SBF2: variants seen among roughly 807,000 people sequenced by gnomAD.
SBF2 encodes the protein myotubularin-related protein 13.
SBF2 carries 112 observed loss-of-function variants against 225.2 expected under a neutral mutation model. The observed-to-expected ratio is 0.50, with a 90% CI of 0.43 to 0.58. SBF2 has a LOEUF of 0.58. Among genes scored for constraint, SBF2 ranks in the 20% least tolerant of loss-of-function variants. SBF2 has a pLI of 0.00. For missense variants in SBF2, 1,996 were observed against 2,206.2 expected, an observed-to-expected ratio of 0.90 and a Z score of 1.91; for synonymous variants, 763 against 773.3, an observed-to-expected ratio of 0.99 and a Z score of 0.22.
chr11:10,297,149 G>A (rs1433816032), upstream of SBF2, among the ~76,000 whole-genome samples: 4 of 151,882 alleles, frequency 2.6e-5, no homozygotes, highest in Admixed American at 6.6e-5. Flanking sequence ...CATTCTGTAC[G>A]TTGTCTTTTC....
intron 28 of SBF2, among the ~76,000 whole-genome samples, chr11:9,821,959 G>C (rs1441547940): frequency 6.6e-6 from 1 of 152,118 alleles, no homozygotes; most frequent in Non-Finnish European, 1.5e-5. Flanking sequence ...GATCAGTAAG[G>C]CTCAAAGCAA....
At chr11:10,186,171 T>C (rs1332544137) in intron 2 of SBF2, among the ~76,000 whole-genome samples, 1 of 152,108 alleles carries the variant, frequency 6.6e-6, no homozygotes, top group Non-Finnish European at 1.5e-5. Context: ...AACAGACAAG[T>C]GGGAGAGATA....
At chr11:10,110,756 G>A (rs1952800875) in intron 2 of SBF2, among the ~76,000 whole-genome samples, 1 of 152,070 alleles carries the variant, frequency 6.6e-6, no homozygotes, top group African/African-American at 2.4e-5. Context: ...CTCTACTAGA[G>A]ATCCTTCAAA....
At chr11:10,008,589 A>G (rs1055998378) in intron 6 of SBF2, among the ~76,000 whole-genome samples, 2 of 108,206 alleles carry the variant, frequency 1.8e-5, no homozygotes, top group Non-Finnish European at 4.4e-5. Context: ...ATCTTCCCAA[A>G]TAATTGCATT....
At chr11:10,087,067 G>C (rs950855064) in intron 2 of SBF2, among the ~76,000 whole-genome samples, 1 of 152,160 alleles carries the variant, frequency 6.6e-6, no homozygotes, top group African/African-American at 2.4e-5. Context: ...GTTTTCTCAT[G>C]AGTGAATCTG....
chr11:10,001,910 T>C (rs923021635), intron 7 of SBF2, among the ~76,000 whole-genome samples: 6 of 152,206 alleles, frequency 3.9e-5, no homozygotes, highest in African/African-American at 7.2e-5. Flanking sequence ...TGATTATCAA[T>C]TGATTAAACA....
chr11:9,807,926 C>T (rs535279255), intron 32 of SBF2, 74 bp downstream of exon 32: 91 of 1,319,004 alleles, frequency 6.9e-5, no homozygotes, highest in Middle Eastern at 3.6e-4. Flanking sequence ...GGCACACCAT[C>T]GCAATGCTCC....
intron 23 of SBF2, among the ~76,000 whole-genome samples, chr11:9,846,079 T>C (rs1856525449): frequency 6.6e-6 from 1 of 152,206 alleles, no homozygotes; most frequent in African/African-American, 2.4e-5. Context: ...TAAGGTCTCT[T>C]CCTACCCAGA....
chr11:10,164,608 C>T (rs982449257), intron 2 of SBF2, among the ~76,000 whole-genome samples: 2 of 152,114 alleles, frequency 1.3e-5, no homozygotes, highest in Admixed American at 6.5e-5. Context: ...ATAACTGTTA[C>T]GGGAGCACGG....
At chr11:10,147,051 TAA>T (rs201320634) in intron 2 of SBF2, among the ~76,000 whole-genome samples, 23 of 108,410 alleles carry the variant, frequency 2.1e-4, no homozygotes, top group Non-Finnish European at 1.8e-4. Flanking sequence ...TATTAAAAAG[TAA>T]AAAAAAAAAA....
intron 16 of SBF2, among the ~76,000 whole-genome samples, chr11:9,949,506 T>C (rs1865738916): frequency 6.6e-6 from 1 of 152,156 alleles, no homozygotes; most frequent in Non-Finnish European, 1.5e-5. Context: ...TAAATAGCAT[T>C]AAACTTTATT....
At chr11:9,786,425 C>CA (rs965989087) in intron 36 of SBF2, among the ~76,000 whole-genome samples, 4 of 152,130 alleles carry the variant, frequency 2.6e-5, no homozygotes, top group African/African-American at 9.6e-5. Flanking sequence ...ATTTTTCTAA[C>CA]AAAAAAGCAT....
chr11:9,794,435 G>A lies in SBF2; in HGVS notation c.4570+1396C>T, dbSNP rs565831505. Among the ~76,000 whole-genome samples the A allele has an allele frequency of 3.3e-5, 5 of 151,234 alleles. No homozygotes were observed. The East Asian group carries it at 9.9e-4, about 30-fold the overall frequency. On this transcript the variant is annotated intron_variant, in intron 33 of 39. Transcript: ENST00000256190. ...CACGCCTGTAATCCCAGCACTTTGG[G>A]AGGCAGACTGCTTGAGGCCAGGAGT...
chr11:10,073,873 CT>C (rs1393779613), intron 2 of SBF2, among the ~76,000 whole-genome samples: 5 of 152,122 alleles, frequency 3.3e-5, no homozygotes, highest in Non-Finnish European at 7.4e-5. Context: ...AATATAAAGA[CT>C]GCAGATGGTT....
intron 10 of SBF2, 38 bp from the exon 11 acceptor site, chr11:9,993,141 T>TTTAAA: frequency 6.8e-7 from 1 of 1,469,282 alleles, no homozygotes; most frequent in East Asian, 2.3e-5. Flanking sequence ...AATTTAACTT[T>TTTAAA]TTAAAAACAA....
At chr11:9,942,795 C>T (rs996014153) in intron 16 of SBF2, among the ~76,000 whole-genome samples, 4 of 151,242 alleles carry the variant, frequency 2.6e-5, no homozygotes, top group Admixed American at 1.3e-4. Flanking sequence ...CACATCACTG[C>T]ACTGAAGCCT....
intron 1 of SBF2, among the ~76,000 whole-genome samples, chr11:10,203,387 A>G (rs1957635164): frequency 6.6e-6 from 1 of 152,246 alleles, no homozygotes. Flanking sequence ...TTATTGCCTC[A>G]GTGTGAAAAA....
rs1199868372 is a variant in SBF2 at position 9,856,687 on chromosome 11, T to C, written c.2134A>G (p.Thr712Ala). ...TGCTCAGCTGCCAGGTCCATTGCTG[T>C]CTTCTCCTGATAATGGTCATCAGGA... ...KLPDDHYQEK[T>A]AMDLAAEQLR... is the part of the protein sequence containing the mutation. Residue 712 changes from threonine (T) to alanine (A), a missense_variant, in exon 19 of 40, where the codon ACA (threonine) becomes GCA (alanine). Coordinates refer to ENST00000256190, the MANE Select transcript of SBF2 (RefSeq NM_030962.4). 1.2e-6 allele frequency: 2 copies of C among 1,614,110 alleles called. No individual in the cohort carries two copies. The highest frequency in any genetic ancestry group is 1.7e-6 in the Non-Finnish European group (2 of 1,180,006).
chr11:9,871,018 T>C (rs1590278763), intron 17 of SBF2, among the ~76,000 whole-genome samples: 1 of 137,486 alleles, frequency 7.3e-6, no homozygotes, highest in Non-Finnish European at 1.6e-5. Context: ...CAGACTAAAA[T>C]GTAAAATGCA....
Sources: gnomAD v4.1 joint callset for allele counts (sites outside exome capture counted in the v4.1 genomes callset) on GRCh38, gnomAD v4.1.1 for gene constraint, MANE v1.5 for transcripts, NCBI Gene and HGNC (gene_info 2026-07-23, HGNC 2026-07-21) for gene names.